The following NOS1 variants were observed in gnomAD, a reference collection of about 807,000 sequenced individuals.
The protein encoded by NOS1 is nitric oxide synthase 1.
NOS1 carries 51 observed loss-of-function variants against 164.5 expected under a neutral mutation model. The ratio of observed to expected loss-of-function variants is 0.31; its 90% CI spans 0.25 to 0.39. NOS1 has a LOEUF of 0.39. NOS1 is among the 10% of genes least tolerant of loss of function. The pLI is 1.00. For missense variants in NOS1, 1,362 were observed against 1,885.6 expected, an observed-to-expected ratio of 0.72 and a Z score of 5.14; for synonymous variants, 719 against 745.8, an observed-to-expected ratio of 0.96 and a Z score of 0.59.
At chr12:117,217,525 C>T (rs1424172198) in intron 28 of NOS1, among the ~76,000 whole-genome samples, 6 of 151,914 alleles carry the variant, frequency 3.9e-5, no homozygotes, top group Admixed American at 6.6e-5. Flanking sequence ...GCCAACATGG[C>T]GAAACCCCGT....
chr12:117,261,551 G>C (rs919338687), intron 13 of NOS1, among the ~76,000 whole-genome samples: 1 of 152,162 alleles, frequency 6.6e-6, no homozygotes, highest in Admixed American at 6.5e-5. Flanking sequence ...GGGATTTAGA[G>C]GTTTATTGGT....
At chr12:117,348,410 A>C (rs995489957) in intron 1 of NOS1, 1 of 152,114 alleles carries the variant, frequency 6.6e-6, no homozygotes, top group African/African-American at 2.4e-5. Context: ...ATGGCAAAAA[A>C]CAATAGTCCT....
chr12:117,248,235 G>A (rs1378627879), intron 17 of NOS1, among the ~76,000 whole-genome samples: 3 of 150,818 alleles, frequency 2.0e-5, no homozygotes, highest in African/African-American at 7.3e-5. Flanking sequence ...TAGGGTACAT[G>A]TGCACCATGT....
chr12:117,305,463 CAAA>C (rs34249731), intron 3 of NOS1, among the ~76,000 whole-genome samples: 1 of 120,384 alleles, frequency 8.3e-6, no homozygotes, highest in African/African-American at 3.3e-5. Context: ...GACTCCATCT[CAAA>C]AAAAAAAAAA....
intron 16 of NOS1, among the ~76,000 whole-genome samples, chr12:117,256,758 G>T (rs1871491140): frequency 6.6e-6 from 1 of 151,986 alleles, no homozygotes; most frequent in Non-Finnish European, 1.5e-5. Flanking sequence ...GGATGCAAGG[G>T]CTTTTCAAGG....
In NOS1 at chr12:117,355,613, C is replaced by G. The variant is rs141691950; in HGVS notation, c.-421+5899G>C. On this transcript the variant is annotated intron_variant, in intron 1 of 28. Transcript: ENST00000317775. ...AAAAAAAAGCCCTCTGCCAGACTAA[C>G]AGAACATATCTGCAGGTCTCTGAAG... Among the ~76,000 whole-genome samples the G allele has an allele frequency of 1.6e-3, 236 of 152,252 alleles. 2 individuals carry two copies. The highest frequency in any genetic ancestry group is 5.5e-3 in the African/African-American group (229 of 41,538).
At chr12:117,303,339 G>A (rs752806747) in intron 3 of NOS1, among the ~76,000 whole-genome samples, 1 of 152,148 alleles carries the variant, frequency 6.6e-6, no homozygotes, top group Non-Finnish European at 1.5e-5. Flanking sequence ...GAAGCTGGGG[G>A]GTGCTGTCAT....
Position 117,209,863 on chromosome 12 carries a change from C to A in NOS1, c.*5446G>T. The stretch of plus-strand genomic sequence containing the variant: ...GGCAGAGGCCAGGCCAGGTTGGCCT[C>A]CAAAGTCAAATCCCTGTTCATGGGG... On this transcript the variant is annotated 3_prime_UTR_variant, in exon 29 of 29. Transcript: ENST00000317775. 1.0e-6 allele frequency: 1 copy of A among 985,500 alleles called. No individual in the cohort carries two copies. The highest frequency in any genetic ancestry group is 4.7e-5 in the South Asian group (1 of 21,288). 61.0% of individuals were successfully genotyped at this position (985,500 alleles called of 1,614,324 possible).
chr12:117,296,038 C>A (rs1873394551), intron 3 of NOS1, among the ~76,000 whole-genome samples: 3 of 152,058 alleles, frequency 2.0e-5, no homozygotes. Flanking sequence ...TCATCATGAG[C>A]ATATATGTAC....
chr12:117,218,850 G>T (rs1175801709), intron 27 of NOS1, among the ~76,000 whole-genome samples: 14 of 152,094 alleles, frequency 9.2e-5, no homozygotes, highest in African/African-American at 3.4e-4. Flanking sequence ...ATCAAACAAA[G>T]AGAAAATGCA....
At chr12:117,269,945 C>A (rs1872682405) in intron 10 of NOS1, among the ~76,000 whole-genome samples, 1 of 152,168 alleles carries the variant, frequency 6.6e-6, no homozygotes, top group Admixed American at 6.6e-5. Context: ...GAAACTGAGG[C>A]TCAGAGAGGT....
chr12:117,334,359 G>A (rs1213781328), intron 1 of NOS1, among the ~76,000 whole-genome samples: 1 of 152,128 alleles, frequency 6.6e-6, no homozygotes, highest in African/African-American at 2.4e-5. Context: ...GAGACAGAGA[G>A]GGAGGGAGAC....
At chr12:117,287,576 T>G (rs1408967475) in intron 5 of NOS1, among the ~76,000 whole-genome samples, 1 of 152,012 alleles carries the variant, frequency 6.6e-6, no homozygotes, top group Non-Finnish European at 1.5e-5. Flanking sequence ...GTAGCTAGGA[T>G]TATAGGTGTG....
At chr12:117,263,619 A>G (rs1179772461) in intron 13 of NOS1, among the ~76,000 whole-genome samples, 2 of 137,450 alleles carry the variant, frequency 1.5e-5, no homozygotes, top group African/African-American at 5.2e-5. Flanking sequence ...TATTATTATT[A>G]TTAGGAGGGC....
chr12:117,283,056 A>ATATATATTTTT (rs1360367568), intron 7 of NOS1, among the ~76,000 whole-genome samples: 26 of 92,958 alleles, frequency 2.8e-4, no homozygotes, highest in African/African-American at 9.3e-4. Context: ...ATATATATAT[A>ATATATATTTTT]TTTTTTTTTT....
Position 117,272,374 on chromosome 12 carries a change from A to C in NOS1, c.1839+11T>G, listed in dbSNP as rs1872857415. ...TGCTTTTCCCCTGTGGTGACCAGAG[A>C]GGGCCCTTACCTCCAGGATATTGTA... is the stretch of plus-strand genomic sequence containing the variant. On this transcript the variant is annotated intron_variant, in intron 10 of 28. Transcript: ENST00000317775. This position sits in a 1 kb window ranked among gnomAD's most constrained non-coding sequence, Gnocchi z 4.3. The C allele has an allele frequency of 6.2e-7, 1 of 1,613,936 alleles. No homozygotes were observed.
intron 2 of NOS1, among the ~76,000 whole-genome samples, chr12:117,315,103 T>C (rs1271642938): frequency 2.6e-5 from 4 of 152,226 alleles, no homozygotes; most frequent in Admixed American, 2.0e-4. Context: ...ATCATTCTTT[T>C]TTTAAAAAAA....
chr12:117,274,075 G>A (rs778510263), intron 9 of NOS1, among the ~76,000 whole-genome samples: 2 of 152,000 alleles, frequency 1.3e-5, no homozygotes, highest in Non-Finnish European at 2.9e-5. Context: ...ATCCACCAAG[G>A]GATTAATATC....
intron 21 of NOS1, 105 bp from the exon 22 acceptor site, chr12:117,232,236 G>T: frequency 9.5e-7 from 1 of 1,053,064 alleles, no homozygotes. Flanking sequence ...GGAGAGGAGG[G>T]TGGCTCCAGA....
Sources: gnomAD v4.1 joint callset for allele counts (sites outside exome capture counted in the v4.1 genomes callset) on GRCh38, gnomAD v4.1.1 for gene constraint, Gnocchi (gnomAD v3.1) non-coding constraint, MANE v1.5 for transcripts, NCBI Gene and HGNC (gene_info 2026-07-23, HGNC 2026-07-21) for gene names.